LHFPL3: variants seen among roughly 807,000 people sequenced by gnomAD.
LHFPL3 encodes LHFPL tetraspan subfamily member 3 protein.
A neutral mutation model predicts 19.3 loss-of-function variants in LHFPL3; 5 were observed. The observed-to-expected ratio is 0.26, with a 90% confidence interval of 0.14 to 0.54. The LOEUF is 0.54. Among genes scored for constraint, LHFPL3 ranks in the 20% least tolerant of loss-of-function variants. The probability of loss-of-function intolerance (pLI) is 0.94; values close to 1 mark genes in which losing one functional copy is unlikely to be tolerated. For synonymous variants in LHFPL3, 133 were observed against 126.2 expected (o/e 1.05, Z -0.36); for missense variants, 249 against 307.4 (o/e 0.81, Z 1.42).
intron 1 of LHFPL3, among the ~76,000 whole-genome samples, chr7:104,472,749 G>GT (rs1428509990): frequency 6.6e-6 from 1 of 151,936 alleles, no homozygotes; most frequent in Non-Finnish European, 1.5e-5. Flanking sequence ...AGCTAACCCA[G>GT]TTTTTTTCTG....
At chr7:104,655,343 T>G (rs995972729) in intron 1 of LHFPL3, among the ~76,000 whole-genome samples, 4 of 152,338 alleles carry the variant, frequency 2.6e-5, no homozygotes, top group South Asian at 4.1e-4. Flanking sequence ...GAAAGATGAC[T>G]AAGTAGGCAG....
intron 1 of LHFPL3, among the ~76,000 whole-genome samples, chr7:104,469,282 G>T (rs1792857516): frequency 1.3e-5 from 2 of 152,194 alleles, no homozygotes; most frequent in South Asian, 4.1e-4. Context: ...TGTGTTTTAT[G>T]TAAGTGGGAA....
intron 2 of LHFPL3, among the ~76,000 whole-genome samples, chr7:104,813,114 G>A (rs776004134): frequency 6.6e-6 from 1 of 151,642 alleles, no homozygotes; most frequent in African/African-American, 2.4e-5. Context: ...ACTTCATCTC[G>A]GGGAGAAAAA....
chr7:104,802,756 G>C (rs1221827850), intron 2 of LHFPL3: 1 of 152,218 alleles, frequency 6.6e-6, no homozygotes. Context: ...CCTGTAGACT[G>C]TATCTGTGAG....
At chr7:104,704,658 C>T (rs1261733869) in intron 1 of LHFPL3, among the ~76,000 whole-genome samples, 1 of 142,022 alleles carries the variant, frequency 7.0e-6, no homozygotes, top group Non-Finnish European at 1.5e-5. Flanking sequence ...TTTTTTTTGA[C>T]AGGGTCTCAC....
At chr7:104,715,765 T>G (rs557750436) in intron 1 of LHFPL3, among the ~76,000 whole-genome samples, 1 of 152,354 alleles carries the variant, frequency 6.6e-6, no homozygotes, top group East Asian at 1.9e-4. Context: ...TGTATGATCA[T>G]TTTTAATGTG....
At chr7:104,741,921 G>A (rs1340564577) in intron 2 of LHFPL3, among the ~76,000 whole-genome samples, 1 of 152,198 alleles carries the variant, frequency 6.6e-6, no homozygotes, top group African/African-American at 2.4e-5. Flanking sequence ...CAGCTCTACA[G>A]GATGTGTGCT....
chr7:104,592,124 C>T (rs1482199610), intron 1 of LHFPL3, among the ~76,000 whole-genome samples: 4 of 152,314 alleles, frequency 2.6e-5, no homozygotes, highest in South Asian at 2.1e-4. Flanking sequence ...TCTCTCAACT[C>T]GTCAAAGTCA....
chr7:104,458,702 A>G (rs1371401331), intron 1 of LHFPL3, among the ~76,000 whole-genome samples: 2 of 150,778 alleles, frequency 1.3e-5, no homozygotes, highest in Non-Finnish European at 2.9e-5. Context: ...AACCCACTGC[A>G]TTTTTAAGGC....
intron 1 of LHFPL3, among the ~76,000 whole-genome samples, chr7:104,346,610 A>G (rs1790071679): frequency 6.6e-6 from 1 of 152,138 alleles, no homozygotes; most frequent in African/African-American, 2.4e-5. Context: ...GATAAACTAT[A>G]TTAGGAGCAA....
At chr7:104,779,739 C>G (rs1037431944) in intron 2 of LHFPL3, among the ~76,000 whole-genome samples, 1 of 152,196 alleles carries the variant, frequency 6.6e-6, no homozygotes, top group Admixed American at 6.5e-5. Flanking sequence ...TATGCGCTGG[C>G]CACTGCCAAA....
At chr7:104,640,360 A>G (rs6946685) in intron 1 of LHFPL3, among the ~76,000 whole-genome samples, 148,485 of 152,250 alleles carry the variant, frequency 0.98, 72,499 homozygotes, top group East Asian at 1. Flanking sequence ...TTATGAGTGA[A>G]AACATGTGGT....
chr7:104,681,500 T>TAATC (rs563031073), intron 1 of LHFPL3, among the ~76,000 whole-genome samples: 216 of 152,110 alleles, frequency 1.4e-3, no homozygotes, highest in African/African-American at 4.7e-3. Context: ...TGGGTGCCTG[T>TAATC]AATCCCAGCT....
chr7:104,457,123 TTTA>T (rs1243175650), intron 1 of LHFPL3, among the ~76,000 whole-genome samples: 3 of 152,096 alleles, frequency 2.0e-5, no homozygotes, highest in Non-Finnish European at 4.4e-5. Context: ...ACATTTTTAT[TTTA>T]TTATTATTAT....
chr7:104,348,113 G>A (rs926086909), intron 1 of LHFPL3, among the ~76,000 whole-genome samples: 9 of 152,164 alleles, frequency 5.9e-5, no homozygotes, highest in Non-Finnish European at 1.2e-4. Context: ...TTGGCTGGGC[G>A]CAGTGGCTCA....
At position 104,536,983 on chromosome 7, in the gene LHFPL3, G is replaced by A. The variant is rs529512215; in HGVS notation, c.446-199692G>A. Among the ~76,000 whole-genome samples, 18 of 152,144 alleles carry A rather than the reference G, an allele frequency of 1.2e-4. No homozygotes were observed. In the South Asian group the frequency reaches 2.5e-3, roughly 21 times the overall value. On this transcript the variant is annotated intron_variant, in intron 1 of 2. Coordinates refer to ENST00000424859, the MANE Select transcript of LHFPL3 (RefSeq NM_199000.3). ...CATGGACTATTTAATCTTCTACCTCGGATTAACCTTTTTTTAGGTTGCAGA... is the reference window on the plus strand; with the variant it reads ...CATGGACTATTTAATCTTCTACCTCAGATTAACCTTTTTTTAGGTTGCAGA...
intron 1 of LHFPL3, among the ~76,000 whole-genome samples, chr7:104,375,654 A>C (rs531812270): frequency 6.6e-6 from 1 of 152,354 alleles, no homozygotes; most frequent in Non-Finnish European, 1.5e-5. Context: ...AATGTTCGTA[A>C]CATTTAGATT....
intron 1 of LHFPL3, among the ~76,000 whole-genome samples, chr7:104,624,424 A>C (rs1162637738): frequency 6.6e-6 from 1 of 152,206 alleles, no homozygotes; most frequent in East Asian, 1.9e-4. Flanking sequence ...ACTCAGGCAC[A>C]AGCCATTTCA....
At chr7:104,556,866 TC>T (rs1789846010) in intron 1 of LHFPL3, among the ~76,000 whole-genome samples, 1 of 152,192 alleles carries the variant, frequency 6.6e-6, no homozygotes, top group Non-Finnish European at 1.5e-5. Flanking sequence ...AGAAATTTCT[TC>T]CACCAGATAC....
Sources: gnomAD v4.1 joint callset for allele counts (sites outside exome capture counted in the v4.1 genomes callset) on GRCh38, gnomAD v4.1.1 for gene constraint, MANE v1.5 for transcripts, NCBI Gene and HGNC (gene_info 2026-07-23, HGNC 2026-07-21) for gene names.